Variants in PIGN observed in about 807,000 individuals in gnomAD.
The protein encoded by PIGN is GPI ethanolamine phosphate transferase 1.
In PIGN, 117 loss-of-function variants were observed where a neutral mutation model predicts 125.4. That is an observed-to-expected ratio of 0.93 (90% confidence interval 0.80 to 1.09). The LOEUF is 1.09. Among genes scored for constraint, PIGN ranks in the 50% least tolerant of loss-of-function variants. The pLI, the probability that PIGN is intolerant of heterozygous loss-of-function variation, is 0.00. For synonymous variants in PIGN, 392 were observed against 377.8 expected (o/e 1.04, Z -0.44); for missense variants, 1,075 against 1,094.9 (o/e 0.98, Z 0.26).
intron 1 of PIGN, among the ~76,000 whole-genome samples, chr18:62,176,173 G>C (rs960622014): frequency 6.6e-6 from 1 of 152,088 alleles, no homozygotes; most frequent in Non-Finnish European, 1.5e-5. Context: ...TTATGTTAGA[G>C]AGAATTGCTT....
At chr18:62,167,211 A>G (rs201341377) in intron 1 of PIGN, among the ~76,000 whole-genome samples, 3 of 131,350 alleles carry the variant, frequency 2.3e-5, no homozygotes, top group African/African-American at 8.0e-5. Context: ...CTCTCTCTCT[A>G]TGTATATATA....
intron 25 of PIGN, among the ~76,000 whole-genome samples, chr18:62,086,829 T>C (rs1038703684): frequency 6.6e-6 from 1 of 152,064 alleles, no homozygotes; most frequent in Non-Finnish European, 1.5e-5. Flanking sequence ...GCAGTGGGAA[T>C]GAAGATCTAG....
At chr18:62,105,746 C>T (rs2034614601) in intron 19 of PIGN, 112 bp from the exon 20 acceptor site, 2 of 541,318 alleles carry the variant, frequency 3.7e-6, no homozygotes. Context: ...AGCCTTACAG[C>T]TGTTTATTAT....
At chr18:62,111,221 A>T (rs2034866043) in intron 16 of PIGN, among the ~76,000 whole-genome samples, 1 of 152,096 alleles carries the variant, frequency 6.6e-6, no homozygotes, top group African/African-American at 2.4e-5. Flanking sequence ...GAGAATCATA[A>T]CCACCAAATT....
chr18:62,081,612 T>C (rs1442365467), intron 28 of PIGN, among the ~76,000 whole-genome samples: 1 of 152,136 alleles, frequency 6.6e-6, no homozygotes, highest in Non-Finnish European at 1.5e-5. Flanking sequence ...TTGATGAGCC[T>C]TCTATTTCTC....
At chr18:62,101,465 A>G (rs1224203175) in intron 21 of PIGN, among the ~76,000 whole-genome samples, 1 of 152,220 alleles carries the variant, frequency 6.6e-6, no homozygotes, top group Non-Finnish European at 1.5e-5. Flanking sequence ...AGAGATTCAG[A>G]AACATTCACT....
At chr18:62,077,106 G>A (rs1019581689) in intron 28 of PIGN, among the ~76,000 whole-genome samples, 6 of 152,144 alleles carry the variant, frequency 3.9e-5, no homozygotes, top group African/African-American at 7.2e-5. Flanking sequence ...GAATGAGTGC[G>A]GTGGCTCACA....
chr18:62,181,898 G>A (rs1207221465), intron 1 of PIGN, among the ~76,000 whole-genome samples: 1 of 151,970 alleles, frequency 6.6e-6, no homozygotes, highest in Non-Finnish European at 1.5e-5. Flanking sequence ...AGGTAATTTT[G>A]TATTTTTAGT....
intron 23 of PIGN, among the ~76,000 whole-genome samples, chr18:62,020,960 CA>C (rs35691307): frequency 0.61 from 69,628 of 113,376 alleles, 19,779 homozygotes; most frequent in African/African-American, 0.83. Context: ...GACTCTGTCT[CA>C]AAAAAAAAAA....
At chr18:62,125,157 T>TTTGTACATATGTGTATATAAATATACAC (rs2035477798) in intron 14 of PIGN, among the ~76,000 whole-genome samples, 1 of 100,610 alleles carries the variant, frequency 9.9e-6, no homozygotes, top group Admixed American at 8.6e-5. Flanking sequence ...TGTATATACA[T>TTTGTACATATGTGTATATAAATATACAC]GTTTGTACAT....
At chr18:62,058,444 G>C (rs2031890732) in intron 30 of PIGN, among the ~76,000 whole-genome samples, 1 of 152,182 alleles carries the variant, frequency 6.6e-6, no homozygotes, top group Non-Finnish European at 1.5e-5. Context: ...AGCATCAACA[G>C]AAGTCTGACA....
chr18:62,146,522 T>C (rs1218129371), intron 9 of PIGN, among the ~76,000 whole-genome samples: 1 of 152,204 alleles, frequency 6.6e-6, no homozygotes, highest in African/African-American at 2.4e-5. Flanking sequence ...GAAATCCATA[T>C]TGTGATTTGG....
intron 14 of PIGN, 57 bp from the exon 15 acceptor site, chr18:62,114,696 CT>C: frequency 1.4e-6 from 1 of 717,668 alleles, no homozygotes; most frequent in Non-Finnish European, 2.1e-6. Flanking sequence ...GTATATGTTT[CT>C]TTTTTCCCCT....
At chr18:62,094,336 C>CA (rs2146177685) in intron 23 of PIGN, among the ~76,000 whole-genome samples, 1 of 152,066 alleles carries the variant, frequency 6.6e-6, no homozygotes, top group African/African-American at 2.4e-5. Flanking sequence ...TTTGAAAGTT[C>CA]AAAAAAGAGA....
At chr18:62,095,147 G>A (rs2034125407) in intron 23 of PIGN, among the ~76,000 whole-genome samples, 1 of 152,150 alleles carries the variant, frequency 6.6e-6, no homozygotes, top group African/African-American at 2.4e-5. Flanking sequence ...GTTTATGAGT[G>A]GTGTTTATTC....
chr18:62,126,651 T>C (rs988694301), intron 14 of PIGN, among the ~76,000 whole-genome samples: 1 of 152,154 alleles, frequency 6.6e-6, no homozygotes. Flanking sequence ...TTCCAGCCTC[T>C]AGTATCCTTA....
In PIGN at chr18:62,073,232, T is replaced by C. The variant is rs546649264; in HGVS notation, c.2620-507A>G. Among the ~76,000 whole-genome samples, 13 of 150,972 alleles carry C rather than the reference T, an allele frequency of 8.6e-5. No individual in the cohort carries two copies. In the East Asian group the frequency reaches 2.2e-3, roughly 25 times the overall value. On this transcript the variant is annotated intron_variant, in intron 29 of 30. Transcript: ENST00000640252. ...GGGGGGGATGGAGGGAGTGTTATCATTGGAAAATATAGGCAATTATAGAAA... is the reference window on the plus strand; with the variant it reads ...GGGGGGGATGGAGGGAGTGTTATCACTGGAAAATATAGGCAATTATAGAAA...
chr18:62,152,994 C>T (rs1360265177), intron 7 of PIGN, among the ~76,000 whole-genome samples: 1 of 151,986 alleles, frequency 6.6e-6, no homozygotes. Context: ...AAACCCTTAC[C>T]TCACTCTCTA....
At chr18:62,107,781 A>G (rs758533463) in intron 17 of PIGN, among the ~76,000 whole-genome samples, 31 of 152,154 alleles carry the variant, frequency 2.0e-4, no homozygotes, top group South Asian at 8.3e-4. Flanking sequence ...CACCCAAGTA[A>G]TCCTATATTT....
Sources: gnomAD v4.1 joint callset for allele counts (sites outside exome capture counted in the v4.1 genomes callset) on GRCh38, gnomAD v4.1.1 for gene constraint, MANE v1.5 for transcripts, NCBI Gene and HGNC (gene_info 2026-07-23, HGNC 2026-07-21) for gene names.